Variants in HMBOX1 observed in about 807,000 individuals in gnomAD.
The protein encoded by HMBOX1 is homeobox-containing protein 1.
Under a neutral mutation model 54.5 loss-of-function variants are expected in HMBOX1, and 14 were observed. That is an observed-to-expected ratio of 0.26 (90% CI 0.17 to 0.40). The LOEUF (loss-of-function observed/expected upper bound fraction) is 0.40, where lower values mean the gene tolerates loss of function less well. Among genes scored for constraint, HMBOX1 ranks in the 10% least tolerant of loss-of-function variants. The probability of loss-of-function intolerance (pLI) is 1.00; values close to 1 mark genes in which losing one functional copy is unlikely to be tolerated. For missense variants in HMBOX1, 332 were observed against 514.4 expected, an observed-to-expected ratio of 0.65 and a Z score of 3.43; for synonymous variants, 160 against 181.0, an observed-to-expected ratio of 0.88 and a Z score of 0.93.
intron 1 of HMBOX1, among the ~76,000 whole-genome samples, chr8:28,959,925 T>G (rs994147549): frequency 6.6e-6 from 1 of 152,082 alleles, no homozygotes; most frequent in Non-Finnish European, 1.5e-5. Flanking sequence ...TGAATTGTCA[T>G]GCAGTTGCAT....
At chr8:28,945,286 T>C (rs1469374555) in intron 1 of HMBOX1, among the ~76,000 whole-genome samples, 5 of 152,216 alleles carry the variant, frequency 3.3e-5, no homozygotes, top group African/African-American at 1.2e-4. Context: ...GAAGAGGAAA[T>C]GAGGGCTTAA....
chr8:28,918,426 A>G (rs1451212100), intron 1 of HMBOX1, among the ~76,000 whole-genome samples: 1 of 151,446 alleles, frequency 6.6e-6, no homozygotes, highest in African/African-American at 2.4e-5. Context: ...GATGGTCTCA[A>G]TCTCCTGACC....
chr8:29,006,180 A>G (rs890936795), intron 4 of HMBOX1, among the ~76,000 whole-genome samples: 1 of 151,674 alleles, frequency 6.6e-6, no homozygotes, highest in African/African-American at 2.4e-5. Flanking sequence ...TTTAGTAGAG[A>G]TGGGGTTTTA....
chr8:28,902,517 C>T (rs1379771159), intron 1 of HMBOX1, among the ~76,000 whole-genome samples: 1 of 152,116 alleles, frequency 6.6e-6, no homozygotes, highest in Non-Finnish European at 1.5e-5. Context: ...TCAGTAATTT[C>T]AGTCATCTGA....
intron 1 of HMBOX1, among the ~76,000 whole-genome samples, chr8:28,928,459 A>T (rs1818930042): frequency 6.6e-6 from 1 of 152,170 alleles, no homozygotes; most frequent in Non-Finnish European, 1.5e-5. Flanking sequence ...AGCAATATGG[A>T]AATTCCTCAA....
intron 1 of HMBOX1, among the ~76,000 whole-genome samples, chr8:28,916,270 G>A (rs1308749262): frequency 6.6e-6 from 1 of 152,132 alleles, no homozygotes; most frequent in African/African-American, 2.4e-5. Context: ...TGTTTGTATT[G>A]GGCCTTCTGA....
At chr8:29,041,741 AG>A (rs1804852929) in intron 6 of HMBOX1, among the ~76,000 whole-genome samples, 1 of 152,142 alleles carries the variant, frequency 6.6e-6, no homozygotes. Flanking sequence ...AGATGCAAGG[AG>A]TTTACAGAGT....
At chr8:28,899,407 G>A (rs1415838466) in intron 1 of HMBOX1, among the ~76,000 whole-genome samples, 1 of 152,126 alleles carries the variant, frequency 6.6e-6, no homozygotes, top group African/African-American at 2.4e-5. Flanking sequence ...CACTACTCTA[G>A]GAACTGGAAC....
chr8:29,041,838 C>T (rs1804874364), intron 6 of HMBOX1, among the ~76,000 whole-genome samples: 1 of 152,052 alleles, frequency 6.6e-6, no homozygotes, highest in Non-Finnish European at 1.5e-5. Context: ...CTTTGAACAC[C>T]TCTATAATAA....
At chr8:29,011,250 G>A (rs1184159988) in intron 5 of HMBOX1, among the ~76,000 whole-genome samples, 1 of 152,160 alleles carries the variant, frequency 6.6e-6, no homozygotes, top group Non-Finnish European at 1.5e-5. Context: ...TACTTTGTAG[G>A]TAGTGTTTAC....
At chr8:28,979,111 G>A (rs1458003039) in intron 3 of HMBOX1, among the ~76,000 whole-genome samples, 1 of 152,212 alleles carries the variant, frequency 6.6e-6, no homozygotes, top group Non-Finnish European at 1.5e-5. Context: ...TGACCCCTGT[G>A]TTAGATAAGA....
chr8:28,929,908 G>T (rs1414457023), intron 1 of HMBOX1, among the ~76,000 whole-genome samples: 1 of 151,960 alleles, frequency 6.6e-6, no homozygotes, highest in African/African-American at 2.4e-5. Context: ...TCTAATTTCA[G>T]AACGTTTCTA....
intron 6 of HMBOX1, among the ~76,000 whole-genome samples, chr8:29,034,374 T>C (rs1044048388): frequency 6.6e-6 from 1 of 152,236 alleles, no homozygotes; most frequent in African/African-American, 2.4e-5. Flanking sequence ...TCTGTCCTTC[T>C]TGACATTATT....
intron 1 of HMBOX1, among the ~76,000 whole-genome samples, chr8:28,906,661 C>T (rs1814387424): frequency 6.6e-6 from 1 of 152,200 alleles, no homozygotes; most frequent in African/African-American, 2.4e-5. Context: ...ATGATCTCAG[C>T]TCACTGCAAC....
intron 3 of HMBOX1, among the ~76,000 whole-genome samples, chr8:28,978,509 G>A (rs952527711): frequency 6.6e-6 from 1 of 152,152 alleles, no homozygotes; most frequent in African/African-American, 2.4e-5. Context: ...TAGGCTGGGC[G>A]CTACTGCTCA....
At chr8:28,912,583 A>C (rs756283093) in intron 1 of HMBOX1, among the ~76,000 whole-genome samples, 1 of 152,168 alleles carries the variant, frequency 6.6e-6, no homozygotes, top group Non-Finnish European at 1.5e-5. Context: ...CTGGTTTGAT[A>C]TTTCAGCAGT....
intron 1 of HMBOX1, among the ~76,000 whole-genome samples, chr8:28,903,857 AT>A (rs144344994): frequency 0.019 from 2,929 of 152,292 alleles, 89 homozygotes; most frequent in African/African-American, 0.067. Flanking sequence ...TCAACTGGTG[AT>A]TTTACCCTCC....
rs1827256876 is a variant in HMBOX1 at position 28,970,800 on chromosome 8, A to T, written c.500+281A>T. On this transcript the variant is annotated intron_variant, in intron 3 of 9. Coordinates refer to ENST00000287701, the MANE Select transcript of HMBOX1 (RefSeq NM_001135726.3). The surrounding 1 kb of genome is among the most constrained non-coding windows in gnomAD (Gnocchi z 4.3). Reference sequence around the variant, plus strand: ...AAACACTAATCTTCTCTATGACTCTAATAGCTAATTTCTGACTAACAGACA... The same window carrying T: ...AAACACTAATCTTCTCTATGACTCTTATAGCTAATTTCTGACTAACAGACA... 1 of 295,342 alleles carries T rather than the reference A, an allele frequency of 3.4e-6. No homozygotes were observed. Among genetic ancestry groups the T allele is most frequent in the Admixed American group, 4.6e-5 (1 of 21,654 alleles). The allele number at this position is 295,342 out of a possible 1,614,324, so 18.3% of individuals were successfully genotyped here.
In HMBOX1 at chr8:28,974,875, A is replaced by G. The variant is rs1327571612; in HGVS notation, c.500+4356A>G. 2.0e-5 allele frequency among the ~76,000 whole-genome samples: 3 copies of G among 152,328 alleles called. No homozygotes were observed. The East Asian group carries it at 5.8e-4, about 29-fold the overall frequency. On this transcript the variant is annotated intron_variant, in intron 3 of 9. Transcript: ENST00000287701. The stretch of plus-strand genomic sequence containing the variant: ...TCTGTCAGATAGATGATTACCTTTA[A>G]GAGATCCTAAAGAATGTGCAGTGTA...
Sources: gnomAD v4.1 joint callset for allele counts (sites outside exome capture counted in the v4.1 genomes callset) on GRCh38, gnomAD v4.1.1 for gene constraint, Gnocchi (gnomAD v3.1) non-coding constraint, MANE v1.5 for transcripts, NCBI Gene and HGNC (gene_info 2026-07-23, HGNC 2026-07-21) for gene names.